Variants in C3 observed in about 807,000 individuals in gnomAD.
C3 encodes C3 and PZP-like alpha-2-macroglobulin domain-containing protein 1.
A neutral mutation model predicts 207.9 loss-of-function variants in C3; 97 were observed. The observed-to-expected ratio is 0.47, with a 90% confidence interval of 0.40 to 0.55. The LOEUF is 0.55. Among genes scored for constraint, C3 ranks in the 20% least tolerant of loss-of-function variants. C3 has a pLI of 0.00. For missense variants in C3, 1,684 were observed against 2,171.7 expected, an observed-to-expected ratio of 0.78 and a Z score of 4.46; for synonymous variants, 848 against 857.6, an observed-to-expected ratio of 0.99 and a Z score of 0.20.
At chr19:6,678,073 C>T (rs1032790084) in intron 40 of C3, 50 bp from the exon 41 acceptor site, 5 of 1,613,774 alleles carry the variant, frequency 3.1e-6, no homozygotes, top group Non-Finnish European at 4.2e-6. Flanking sequence ...GGGCGTGGCG[C>T]AGGGGCGTGA....
At chr19:6,703,174 C>T (rs547242657) in intron 17 of C3, among the ~76,000 whole-genome samples, 1 of 151,988 alleles carries the variant, frequency 6.6e-6, no homozygotes, top group Non-Finnish European at 1.5e-5. Context: ...TGAATTTTCA[C>T]GAGCCCCAGA....
chr19:6,706,976 A>AG, intron 17 of C3, 100 bp downstream of exon 17: 7 of 211,956 alleles, frequency 3.3e-5, no homozygotes, highest in South Asian at 1.4e-4. Context: ...GGCCTCCTCC[A>AG]GCCCCACCCC....
At chr19:6,703,571 C>T (rs1967716267) in intron 17 of C3, among the ~76,000 whole-genome samples, 1 of 151,964 alleles carries the variant, frequency 6.6e-6, no homozygotes, top group African/African-American at 2.4e-5. Flanking sequence ...TATGCCACTG[C>T]ACTCCAGCCT....
intron 14 of C3, among the ~76,000 whole-genome samples, chr19:6,708,282 G>A (rs184623809): frequency 1.3e-5 from 2 of 152,076 alleles, no homozygotes; most frequent in Admixed American, 6.5e-5. Context: ...GACTACAGGT[G>A]CATGCCACCA....
chr19:6,702,228 G>C lies in C3; in HGVS notation c.2355-16C>G. ...CGTAGAGATTCTGGATGGAGAAGAG[G>C]TTGGGGTATTAGGAGATGTCATCTA... On this transcript the variant is annotated splice_polypyrimidine_tract_variant and intron_variant, in intron 18 of 40. Coordinates refer to ENST00000245907, the MANE Select transcript of C3 (RefSeq NM_000064.4). The C allele has an allele frequency of 6.5e-7, 1 of 1,532,856 alleles. No homozygotes were observed. Among genetic ancestry groups the C allele is most frequent in the South Asian group, 1.1e-5 (1 of 89,574 alleles). The allele number at this position is 1,532,856 out of a possible 1,614,324, so 95.0% of individuals were successfully genotyped here. A position where few individuals can be genotyped will look rare whatever the true frequency, so the allele number is the denominator to read the frequency against.
chr19:6,707,616 A>G, intron 15 of C3, 79 bp from the exon 16 acceptor site: 1 of 1,548,644 alleles, frequency 6.5e-7, no homozygotes, highest in Non-Finnish European at 8.9e-7. Context: ...CGATCGTGTG[A>G]GGTGGGGGTG....
chr19:6,710,458 A>G (rs1341616980), intron 13 of C3, among the ~76,000 whole-genome samples, 181 bp downstream of exon 13: 1 of 140,968 alleles, frequency 7.1e-6, no homozygotes. Context: ...AGGGAAAGAG[A>G]GATAAAAAGA....
At chr19:6,679,583 T>C in intron 36 of C3, 87 bp from the exon 37 acceptor site, 1 of 889,442 alleles carries the variant, frequency 1.1e-6, no homozygotes, top group South Asian at 1.3e-5. Flanking sequence ...CAGTTCTCAG[T>C]CTTCAGACCT....
intron 4 of C3, chr19:6,716,393 GT>G (rs1968034876): frequency 6.6e-6 from 1 of 151,750 alleles, no homozygotes. Context: ...CTGTTTTTTT[GT>G]TTGTTTTTAA....
Position 6,718,139 on chromosome 19 carries a change from G to A in C3, c.459C>T (p.Asn153=), listed in dbSNP as rs543479295. The change falls in exon 4 of 41, where the codon AAC becomes AAT. Residue 153 remains asparagine (N), a synonymous_variant. Transcript: ENST00000245907. ...STVLYRIFTV[N]HKLLPVGRTV... Reference sequence around the variant, plus strand: ...TCCGGCCCACGGGTAGCAGCTTGTGGTTGACGGTGAAGATCCGATAGAGAA... The same window carrying A: ...TCCGGCCCACGGGTAGCAGCTTGTGATTGACGGTGAAGATCCGATAGAGAA... 1.8e-5 allele frequency: 29 copies of A among 1,614,170 alleles called. No individual in the cohort carries two copies. In the East Asian group the frequency reaches 5.8e-4, roughly 32 times the overall value.
chr19:6,678,487 G>C, intron 38 of C3, 32 bp from the exon 39 acceptor site: 1 of 1,597,798 alleles, frequency 6.3e-7, no homozygotes, highest in Admixed American at 1.7e-5. Context: ...TTTGGGTGGT[G>C]GGCTAGGTTG....
rs757470622 is a variant in C3 at position 6,678,305 on chromosome 19, G to C, written c.4715-18C>G. Reference sequence around the variant, plus strand: ...ATCCGAGCCTGGAGTGGAGGGGAGAGGGAAGAAGCTGAGTCGTGGGGAGGA... The same window carrying C: ...ATCCGAGCCTGGAGTGGAGGGGAGACGGAAGAAGCTGAGTCGTGGGGAGGA... On this transcript the variant is annotated intron_variant, in intron 39 of 40. Transcript: ENST00000245907. 6.2e-7 allele frequency: 1 copy of C among 1,614,202 alleles called. No individual in the cohort carries two copies. Among genetic ancestry groups the C allele is most frequent in the Admixed American group, 1.7e-5 (1 of 60,028 alleles).
chr19:6,694,392 A>G (rs754517956), intron 24 of C3, 39 bp downstream of exon 24: 1 of 1,587,280 alleles, frequency 6.3e-7, no homozygotes, highest in Non-Finnish European at 8.7e-7. Context: ...GCGCTCGGAA[A>G]GGGGTCCCTG....
chr19:6,679,634 C>G (rs2277982), intron 36 of C3, 138 bp from the exon 37 acceptor site: 3 of 722,286 alleles, frequency 4.2e-6, no homozygotes, highest in Non-Finnish European at 7.6e-6. Context: ...CCTCAGACCC[C>G]AAGACCCCCT....
Position 6,696,593 on chromosome 19 carries a change from C to G in C3, c.2863G>C (p.Glu955Gln). 1 of 1,614,018 alleles carries G rather than the reference C, an allele frequency of 6.2e-7. No individual in the cohort carries two copies. The change falls in exon 22 of 41, where the codon GAA (glutamate) becomes CAA (glutamine). Residue 955 changes from glutamate (E) to glutamine (Q), a missense_variant and splice_region_variant. By Grantham distance (29) the Glu-to-Gln change is conservative (BLOSUM62 2). Coordinates refer to ENST00000245907, the MANE Select transcript of C3 (RefSeq NM_000064.4). ...GCCCCTCCCCCTGCAGCCGACTCAC[C>G]ACGGCCCAGGCGTTCTGGATCCAGG... ...RTLDPERLGR[E>Q]GVQKEDIPPA...
chr19:6,713,180 G>C lies in C3; in HGVS notation c.1003+9C>G. ...TGGTCCTGAGCCTGGCCTTCAGACT[G>C]GGCCTCACCTGAGTGCAAGATGACG... On this transcript the variant is annotated intron_variant, in intron 9 of 40. Coordinates refer to ENST00000245907, the MANE Select transcript of C3 (RefSeq NM_000064.4). 6.2e-6 allele frequency: 10 copies of C among 1,613,672 alleles called. No individual in the cohort carries two copies. The highest frequency in any genetic ancestry group is 8.5e-6 in the Non-Finnish European group (10 of 1,179,994).
In C3 at chr19:6,719,077, A is replaced by G. The variant is rs567887585; in HGVS notation, c.267+134T>C. 1.3e-6 allele frequency: 1 copy of G among 779,082 alleles called. No individual in the cohort carries two copies. The highest frequency in any genetic ancestry group is 1.8e-5 in the African/African-American group (1 of 54,412). The allele number at this position is 779,082 out of a possible 1,614,324, so 48.3% of individuals were successfully genotyped here. ...AGGGAGGGGCTTAGAAGGAGAGGCG[A>G]CTCCGAAGGGGTGGAGTCTCAGGGA... On this transcript the variant is annotated intron_variant, in intron 2 of 40. Transcript: ENST00000245907. The surrounding 1 kb of genome is among the most constrained non-coding windows in gnomAD (Gnocchi z 5.4).
chr19:6,694,636 TGCA>T lies in C3; in HGVS notation c.2951-5_2951-3del, dbSNP rs544122376. 604 of 1,610,842 alleles carry T rather than the reference TGCA, an allele frequency of 3.7e-4. 6 individuals carry two copies. The African/African-American group carries it at 7.2e-3, about 19-fold the overall frequency. On this transcript the variant is annotated splice_polypyrimidine_tract_variant and splice_region_variant and intron_variant, in intron 23 of 40. Transcript: ENST00000245907. ...CTGTCATCTGGGCCACTGGGGTCCCTGCAGCAGGTGGGAAGAGGACGTTGCTCA... is the reference window on the plus strand; with the variant it reads ...CTGTCATCTGGGCCACTGGGGTCCCTGCAGGTGGGAAGAGGACGTTGCTCA...
rs762896267 is a variant in C3, at chr19:6,712,490, T to C, written c.1119+18A>G. The C allele has an allele frequency of 1.9e-6, 3 of 1,613,764 alleles. No individual in the cohort carries two copies. On this transcript the variant is annotated intron_variant, in intron 10 of 40. Coordinates refer to ENST00000245907, the MANE Select transcript of C3 (RefSeq NM_000064.4). ...CCCCGAAGGGAGGAGTGGGACCCCT[T>C]CCCGCCCCGGGTCTCACCATGAGGT...
Sources: gnomAD v4.1 joint callset for allele counts (sites outside exome capture counted in the v4.1 genomes callset) on GRCh38, gnomAD v4.1.1 for gene constraint, Gnocchi (gnomAD v3.1) non-coding constraint, MANE v1.5 for transcripts, NCBI Gene and HGNC (gene_info 2026-07-23, HGNC 2026-07-21) for gene names.